Variants in KCNAB1 observed in about 807,000 individuals in gnomAD.
KCNAB1 encodes potassium voltage-gated channel subfamily A regulatory beta subunit 1, also known as voltage-gated potassium channel subunit beta-1.
KCNAB1 carries 35 observed loss-of-function variants against 64.6 expected under a neutral mutation model. The observed-to-expected ratio is 0.54, with a 90% confidence interval of 0.41 to 0.72. The LOEUF (loss-of-function observed/expected upper bound fraction) is 0.72. KCNAB1 is among the 30% of genes least tolerant of loss of function. The probability of loss-of-function intolerance (pLI) is 0.00; values close to 1 mark genes in which losing one functional copy is unlikely to be tolerated. For missense variants in KCNAB1, 401 were observed against 512.9 expected (o/e 0.78, Z 2.11); for synonymous variants, 177 against 183.8 (o/e 0.96, Z 0.30).
rs185818902 is a variant in KCNAB1, at chr3:156,219,475, A to G, written c.275+98589A>G. Among the ~76,000 whole-genome samples the G allele has an allele frequency of 3.1e-3, 471 of 152,172 alleles. 2 individuals carry two copies. The highest frequency in any genetic ancestry group is 6.8e-3 in the Middle Eastern group (2 of 294). On this transcript the variant is annotated intron_variant, in intron 1 of 13. Coordinates refer to ENST00000490337, the MANE Select transcript of KCNAB1 (RefSeq NM_172160.3). ...AATTTGGACTATGTTAAATGTCCAA[A>G]CCTAAGAATAATTGGTGTTCCCGAG...
intron 7 of KCNAB1, among the ~76,000 whole-genome samples, chr3:156,472,112 C>T (rs180771218): frequency 9.9e-5 from 15 of 152,210 alleles, no homozygotes; most frequent in African/African-American, 2.4e-4. Context: ...CGACCACCTC[C>T]GGTTGGCTTT....
chr3:156,479,128 A>G (rs1478276640), intron 8 of KCNAB1, among the ~76,000 whole-genome samples: 1 of 152,096 alleles, frequency 6.6e-6, no homozygotes, highest in Non-Finnish European at 1.5e-5. Context: ...CTCTGCTACA[A>G]TATCTGGCAA....
At chr3:156,219,022 A>T (rs1194622737) in intron 1 of KCNAB1, among the ~76,000 whole-genome samples, 3 of 151,884 alleles carry the variant, frequency 2.0e-5, no homozygotes, top group Non-Finnish European at 4.4e-5. Context: ...TCAGAAAAAC[A>T]GTTCTGGTAA....
At chr3:156,160,242 A>G (rs1176178420) in intron 1 of KCNAB1, among the ~76,000 whole-genome samples, 1 of 152,236 alleles carries the variant, frequency 6.6e-6, no homozygotes, top group Non-Finnish European at 1.5e-5. Context: ...TCTGCACTAA[A>G]TGCTTGTTTT....
At chr3:156,539,098 G>T (rs566609739), downstream of KCNAB1, 2 of 152,240 alleles carry the variant, frequency 1.3e-5, no homozygotes, top group African/African-American at 4.8e-5. Flanking sequence ...CTTCCAAAAA[G>T]AATTCCCTGG....
In KCNAB1 at chr3:156,424,504, G is replaced by GT. The variant is rs1266175414; in HGVS notation, c.319+2854dup. On this transcript the variant is annotated intron_variant, in intron 2 of 13. Transcript: ENST00000490337. Reference sequence around the variant, plus strand: ...CATTACCAGGGACACTCTGACCTTAGTTTTTTTTTAAGTATATCTTTACAG... The same window carrying GT: ...CATTACCAGGGACACTCTGACCTTAGTTTTTTTTTTAAGTATATCTTTACAG... 8.6e-5 allele frequency among the ~76,000 whole-genome samples: 13 copies of GT among 151,280 alleles called. No homozygotes were observed. The East Asian group carries it at 1.7e-3, about 20-fold the overall frequency.
At chr3:156,309,983 T>G (rs1294229216) in intron 1 of KCNAB1, among the ~76,000 whole-genome samples, 1 of 152,226 alleles carries the variant, frequency 6.6e-6, no homozygotes, top group Non-Finnish European at 1.5e-5. Context: ...TTCACACAGC[T>G]GCCAAGTACC....
intron 1 of KCNAB1, among the ~76,000 whole-genome samples, chr3:156,295,612 A>G (rs1576689107): frequency 6.6e-6 from 1 of 152,220 alleles, no homozygotes; most frequent in Non-Finnish European, 1.5e-5. Context: ...ACATTCTGGC[A>G]TTCCAAAGCT....
At chr3:156,484,306 G>C (rs757525691) in intron 8 of KCNAB1, among the ~76,000 whole-genome samples, 6 of 152,076 alleles carry the variant, frequency 3.9e-5, no homozygotes, top group Non-Finnish European at 8.8e-5. Flanking sequence ...ACTTCACCAA[G>C]CTCCAAAAGG....
intron 1 of KCNAB1, among the ~76,000 whole-genome samples, chr3:156,171,187 G>GCACGCACA (rs1553812698): frequency 9.8e-5 from 14 of 142,816 alleles, no homozygotes; most frequent in South Asian, 2.2e-4. Context: ...GAAACTTCAC[G>GCACGCACA]CACACATACA....
At chr3:156,125,853 A>G (rs1271167315) in intron 1 of KCNAB1, among the ~76,000 whole-genome samples, 1 of 152,170 alleles carries the variant, frequency 6.6e-6, no homozygotes, top group African/African-American at 2.4e-5. Context: ...CCTTTGGTTG[A>G]GCTTATGAAA....
chr3:156,477,064 T>A (rs1025586022), intron 8 of KCNAB1, among the ~76,000 whole-genome samples: 3 of 152,176 alleles, frequency 2.0e-5, no homozygotes, highest in Non-Finnish European at 2.9e-5. Context: ...ATTTGCATTA[T>A]ATTTATAGAA....
In KCNAB1 at chr3:156,457,397, C is replaced by T. The variant is rs1175917700; in HGVS notation, c.358-56C>T. On this transcript the variant is annotated intron_variant, in intron 3 of 13. Transcript: ENST00000490337. ...AAGACCGGTAGAGGACTCAAAGTTG[C>T]TTCCAGGTTTGGAAAGCATTTGGCT... is the stretch of plus-strand genomic sequence containing the variant. 1.4e-5 allele frequency: 22 copies of T among 1,611,106 alleles called. No individual in the cohort carries two copies. The Middle Eastern group carries it at 5.0e-4, about 36-fold the overall frequency.
intron 1 of KCNAB1, among the ~76,000 whole-genome samples, chr3:156,419,297 T>C (rs1000982801): frequency 6.6e-6 from 1 of 151,808 alleles, no homozygotes; most frequent in Admixed American, 6.6e-5. Flanking sequence ...GGTCAGGAGA[T>C]CGAGACCACC....
intron 1 of KCNAB1, among the ~76,000 whole-genome samples, chr3:156,404,637 A>G (rs1714127417): frequency 6.6e-6 from 1 of 152,212 alleles, no homozygotes; most frequent in Admixed American, 6.5e-5. Context: ...TTATACACGA[A>G]GACACCAGGG....
In KCNAB1 at chr3:156,521,165, C is replaced by G. The variant is rs1404839398; in HGVS notation, c.961-2662C>G. Among the ~76,000 whole-genome samples the G allele has an allele frequency of 3.3e-5, 5 of 152,196 alleles. No individual in the cohort carries two copies. In the East Asian group the frequency reaches 7.7e-4, roughly 23 times the overall value. ...TTGACAAATATTTAATGAGTATACC[C>G]AGACTTTGTGCTGGGTGCTGAGGAC... is the stretch of plus-strand genomic sequence containing the variant. On this transcript the variant is annotated intron_variant, in intron 11 of 13. Coordinates refer to ENST00000490337, the MANE Select transcript of KCNAB1 (RefSeq NM_172160.3).
In KCNAB1 at chr3:156,175,275, C is replaced by T. The variant is rs141324837; in HGVS notation, c.275+54389C>T. Among the ~76,000 whole-genome samples, 577 of 152,044 alleles carry T rather than the reference C, an allele frequency of 3.8e-3. 3 individuals carry two copies. The highest frequency in any genetic ancestry group is 0.013 in the African/African-American group (546 of 41,470). On this transcript the variant is annotated intron_variant, in intron 1 of 13. Coordinates refer to ENST00000490337, the MANE Select transcript of KCNAB1 (RefSeq NM_172160.3). Reference sequence around the variant, plus strand: ...AAAATCCCAACCAGCAAATTTGTCACATTGGGCAGGCATTAGAAAACAGGA... The same window carrying T: ...AAAATCCCAACCAGCAAATTTGTCATATTGGGCAGGCATTAGAAAACAGGA...
intron 1 of KCNAB1, among the ~76,000 whole-genome samples, chr3:156,390,006 C>T (rs140181322): frequency 0.013 from 2,029 of 152,040 alleles, 17 homozygotes; most frequent in South Asian, 0.033. Flanking sequence ...TCGATCTCTG[C>T]TTACACAGAC....
chr3:156,177,165 C>G (rs1447205154), intron 1 of KCNAB1, among the ~76,000 whole-genome samples: 1 of 152,080 alleles, frequency 6.6e-6, no homozygotes, highest in African/African-American at 2.4e-5. Flanking sequence ...GTACGAAATC[C>G]GTTAACTCAC....
Sources: gnomAD v4.1 joint callset for allele counts (sites outside exome capture counted in the v4.1 genomes callset) on GRCh38, gnomAD v4.1.1 for gene constraint, MANE v1.5 for transcripts, NCBI Gene and HGNC (gene_info 2026-07-23, HGNC 2026-07-21) for gene names.